Variants in PDZRN4 observed in about 807,000 individuals in gnomAD.
PDZRN4 encodes the protein PDZ domain-containing RING finger protein 4.
Under a neutral mutation model 99.0 loss-of-function variants are expected in PDZRN4, and 70 were observed. The ratio of observed to expected loss-of-function variants is 0.71; its 90% CI spans 0.58 to 0.86. The LOEUF (loss-of-function observed/expected upper bound fraction) is 0.86. Among genes scored for constraint, PDZRN4 ranks in the 40% least tolerant of loss-of-function variants. PDZRN4 has a pLI of 0.00. For missense variants in PDZRN4, 1,474 were observed against 1,331.2 expected, an observed-to-expected ratio of 1.11 and a Z score of -1.67; for synonymous variants, 551 against 501.6, an observed-to-expected ratio of 1.10 and a Z score of -1.32.
chr12:41,368,759 T>A (rs1462341821), intron 3 of PDZRN4, among the ~76,000 whole-genome samples: 3 of 152,114 alleles, frequency 2.0e-5, no homozygotes, highest in Non-Finnish European at 4.4e-5. Context: ...CTGTATCGCT[T>A]CCATTAAGGT....
At chr12:41,226,872 C>G (rs1236462519) in intron 3 of PDZRN4, among the ~76,000 whole-genome samples, 1 of 152,132 alleles carries the variant, frequency 6.6e-6, no homozygotes, top group Admixed American at 6.6e-5. Flanking sequence ...CTATGCATAG[C>G]ATTCTTTCTG....
intron 5 of PDZRN4, among the ~76,000 whole-genome samples, chr12:41,543,037 A>T (rs1938885933): frequency 6.6e-6 from 1 of 152,104 alleles, no homozygotes; most frequent in Non-Finnish European, 1.5e-5. Context: ...GTTAGAAATC[A>T]ATCCTAATCC....
chr12:41,333,429 G>A (rs1284573415), intron 3 of PDZRN4, among the ~76,000 whole-genome samples: 3 of 152,108 alleles, frequency 2.0e-5, no homozygotes, highest in Non-Finnish European at 2.9e-5. Flanking sequence ...CAGACTGCTT[G>A]CTCCATGAAT....
chr12:41,490,789 C>T (rs1238483468), intron 3 of PDZRN4, among the ~76,000 whole-genome samples: 1 of 151,984 alleles, frequency 6.6e-6, no homozygotes, highest in African/African-American at 2.4e-5. Context: ...GAACAAGGTC[C>T]TCTACTTGGA....
rs1939534996 is a variant in PDZRN4 at position 41,574,004 on chromosome 12, T to A, written c.*114T>A. The stretch of plus-strand genomic sequence containing the variant: ...ATATATATTTTGTGACTCTTTATAG[T>A]TTAAATTTTTTGTAAGCAAAAAATA... On this transcript the variant is annotated 3_prime_UTR_variant, in exon 10 of 10. Coordinates refer to ENST00000402685, the MANE Select transcript of PDZRN4 (RefSeq NM_001164595.2). 3.0e-6 allele frequency: 2 copies of A among 662,858 alleles called. No individual in the cohort carries two copies. The highest frequency in any genetic ancestry group is 5.9e-5 in the East Asian group (2 of 33,832). The allele number at this position is 662,858 out of a possible 1,614,324, so 41.1% of individuals were successfully genotyped here. A position where few individuals can be genotyped will look rare whatever the true frequency, so the allele number is the denominator to read the frequency against.
intron 5 of PDZRN4, among the ~76,000 whole-genome samples, chr12:41,537,897 T>C (rs1364052456): frequency 1.3e-5 from 2 of 152,158 alleles, no homozygotes; most frequent in Non-Finnish European, 2.9e-5. Flanking sequence ...AACCCGCTCA[T>C]GTGGAGATCT....
chr12:41,541,801 A>T (rs960580020), intron 5 of PDZRN4, among the ~76,000 whole-genome samples: 2 of 152,126 alleles, frequency 1.3e-5, no homozygotes, highest in African/African-American at 4.8e-5. Context: ...CTTGTGGATC[A>T]TTTTGCGAAT....
chr12:41,389,339 A>G (rs1952193411), intron 3 of PDZRN4, among the ~76,000 whole-genome samples: 1 of 152,232 alleles, frequency 6.6e-6, no homozygotes, highest in Non-Finnish European at 1.5e-5. Context: ...AAAATCCTTT[A>G]AAGGCATTCT....
At chr12:41,263,299 T>C (rs892634822) in intron 3 of PDZRN4, among the ~76,000 whole-genome samples, 1 of 152,186 alleles carries the variant, frequency 6.6e-6, no homozygotes, top group African/African-American at 2.4e-5. Context: ...ATGCCTGTAA[T>C]CCCAGCACTT....
At chr12:41,497,256 AT>A (rs909507954) in intron 3 of PDZRN4, among the ~76,000 whole-genome samples, 2 of 151,934 alleles carry the variant, frequency 1.3e-5, no homozygotes, top group Admixed American at 6.6e-5. Context: ...TGTTTGCAGG[AT>A]TTTTTTTAAG....
At chr12:41,545,391 C>G (rs928659870) in intron 5 of PDZRN4, among the ~76,000 whole-genome samples, 1 of 152,014 alleles carries the variant, frequency 6.6e-6, no homozygotes, top group Non-Finnish European at 1.5e-5. Context: ...TGGTAAACAC[C>G]AAGACTAATT....
intron 3 of PDZRN4, among the ~76,000 whole-genome samples, chr12:41,356,486 A>G (rs1951928260): frequency 6.6e-6 from 1 of 152,050 alleles, no homozygotes; most frequent in Non-Finnish European, 1.5e-5. Flanking sequence ...TTGATAGTCT[A>G]CATTGACAAG....
intron 3 of PDZRN4, among the ~76,000 whole-genome samples, chr12:41,420,806 T>C (rs576804519): frequency 1.1e-4 from 17 of 152,314 alleles, no homozygotes; most frequent in African/African-American, 3.4e-4. Flanking sequence ...TTTAAATACG[T>C]GTTAGTGATC....
intron 3 of PDZRN4, among the ~76,000 whole-genome samples, chr12:41,205,201 G>A (rs10879858): frequency 0.55 from 84,008 of 151,460 alleles, 24,242 homozygotes; most frequent in Middle Eastern, 0.67. Context: ...CTTGAACTCT[G>A]TTTCTGTACT....
intron 5 of PDZRN4, among the ~76,000 whole-genome samples, chr12:41,547,973 G>C (rs1337333978): frequency 6.6e-6 from 1 of 152,178 alleles, no homozygotes; most frequent in Non-Finnish European, 1.5e-5. Context: ...GAGGTTAAAA[G>C]TTGCCCATAT....
intron 3 of PDZRN4, among the ~76,000 whole-genome samples, chr12:41,362,669 G>C (rs189166454): frequency 1.3e-5 from 2 of 152,120 alleles, no homozygotes; most frequent in Admixed American, 6.6e-5. Flanking sequence ...GAGATACATA[G>C]GTCTCCGTAG....
At position 41,272,874 on chromosome 12, in the gene PDZRN4, T is replaced by G. The variant is rs556703531; in HGVS notation, c.843+78686T>G. 3.0e-3 allele frequency among the ~76,000 whole-genome samples: 455 copies of G among 152,178 alleles called. 1 individual carries two copies. The highest frequency in any genetic ancestry group is 5.6e-3 in the Admixed American group (85 of 15,244). ...ATGGGATGAGTTGGTTAAGTTGCTG[T>G]CCAGGTGGGAGAACAGCAAAATAGA... On this transcript the variant is annotated intron_variant, in intron 3 of 9. Transcript: ENST00000402685.
chr12:41,497,673 A>C (rs1215095772), intron 3 of PDZRN4, among the ~76,000 whole-genome samples: 1 of 152,164 alleles, frequency 6.6e-6, no homozygotes, highest in African/African-American at 2.4e-5. Context: ...CTTTTTAAAT[A>C]GCTCAGCTTG....
At chr12:41,493,466 G>A (rs936416960) in intron 3 of PDZRN4, among the ~76,000 whole-genome samples, 2 of 152,166 alleles carry the variant, frequency 1.3e-5, no homozygotes, top group African/African-American at 4.8e-5. Flanking sequence ...ATTTAAGGAT[G>A]TGATGACTCT....
Sources: allele counts gnomAD v4.1 joint callset (sites outside exome capture counted in the v4.1 genomes callset), GRCh38; gene constraint gnomAD v4.1.1; transcripts MANE v1.5; gene names NCBI Gene and HGNC (gene_info 2026-07-23, HGNC 2026-07-21).